CDH4: variants seen among roughly 807,000 people sequenced by gnomAD.
The protein encoded by CDH4 is cadherin-4.
A neutral mutation model predicts 86.0 loss-of-function variants in CDH4; 33 were observed. The observed-to-expected ratio is 0.38, with a 90% CI of 0.29 to 0.51. CDH4 has a LOEUF of 0.51. CDH4 is among the 20% of genes least tolerant of loss of function. CDH4 has a pLI of 0.86. For missense variants in CDH4, 1,114 were observed against 1,307.4 expected, an observed-to-expected ratio of 0.85 and a Z score of 2.28; for synonymous variants, 555 against 549.4, an observed-to-expected ratio of 1.01 and a Z score of -0.14.
At position 61,393,044 on chromosome 20, in the gene CDH4, C is replaced by T. The variant is rs67115690; in HGVS notation, c.169+138107C>T. ...TGAGGACAGAGCAGCTGCGGGGCCCCTCGGTGATCAGGGCCGTTTATTTTC... is the reference window on the plus strand; with the variant it reads ...TGAGGACAGAGCAGCTGCGGGGCCCTTCGGTGATCAGGGCCGTTTATTTTC... On this transcript the variant is annotated intron_variant, in intron 2 of 15. Coordinates refer to ENST00000614565, the MANE Select transcript of CDH4 (RefSeq NM_001794.5). This position sits in a 1 kb window ranked among gnomAD's most constrained non-coding sequence, Gnocchi z 4.3. Among the ~76,000 whole-genome samples, 19,506 of 152,128 alleles carry T rather than the reference C, an allele frequency of 0.13. 1,913 individuals carry two copies. Among genetic ancestry groups the T allele is most frequent in the African/African-American group, 0.27 (11,394 of 41,460 alleles).
At chr20:61,857,811 G>A (rs1428664129) in intron 6 of CDH4, among the ~76,000 whole-genome samples, 1 of 152,264 alleles carries the variant, frequency 6.6e-6, no homozygotes, top group Non-Finnish European at 1.5e-5. Context: ...GTCACAGCCA[G>A]GAAACTGACC....
intron 2 of CDH4, among the ~76,000 whole-genome samples, chr20:61,282,654 T>G (rs886882067): frequency 6.6e-6 from 1 of 152,162 alleles, no homozygotes; most frequent in African/African-American, 2.4e-5. Context: ...CATATGTACA[T>G]ATGTGGGTGC....
At chr20:61,860,036 C>T (rs1295008221) in intron 6 of CDH4, among the ~76,000 whole-genome samples, 2 of 152,272 alleles carry the variant, frequency 1.3e-5, no homozygotes, top group African/African-American at 4.8e-5. Context: ...AGAACAAGGA[C>T]AGTGCCTGCC....
chr20:61,422,486 CTTCT>C (rs2085185774), intron 2 of CDH4, among the ~76,000 whole-genome samples: 1 of 128,270 alleles, frequency 7.8e-6, no homozygotes, highest in East Asian at 2.7e-4. Flanking sequence ...CCCCAAGTGT[CTTCT>C]TTAAGTATTT....
chr20:61,554,726 T>C (rs927312522), intron 2 of CDH4, among the ~76,000 whole-genome samples: 1 of 152,276 alleles, frequency 6.6e-6, no homozygotes, highest in South Asian at 2.1e-4. Flanking sequence ...TTCCTGTGTG[T>C]ACACACATGT....
At chr20:61,781,817 G>A (rs887783287) in intron 4 of CDH4, among the ~76,000 whole-genome samples, 7 of 152,226 alleles carry the variant, frequency 4.6e-5, no homozygotes, top group African/African-American at 9.6e-5. Flanking sequence ...ACCGATCATA[G>A]TCAAACTGCT....
intron 11 of CDH4, among the ~76,000 whole-genome samples, chr20:61,926,199 C>T (rs1187663437): frequency 6.6e-6 from 1 of 152,228 alleles, no homozygotes; most frequent in Admixed American, 6.5e-5. Flanking sequence ...CTCTGAGGAG[C>T]TGCCCTTGGG....
At chr20:61,546,174 G>A (rs1049845626) in intron 2 of CDH4, among the ~76,000 whole-genome samples, 1 of 133,226 alleles carries the variant, frequency 7.5e-6, no homozygotes. Context: ...GTGCCTGTGT[G>A]TGGGGGTATG....
chr20:61,914,767 G>A (rs941875773), intron 9 of CDH4, among the ~76,000 whole-genome samples: 1 of 152,184 alleles, frequency 6.6e-6, no homozygotes, highest in Non-Finnish European at 1.5e-5. Context: ...AAAATCTGCA[G>A]ATTTTCAGAT....
At position 61,837,029 on chromosome 20, in the gene CDH4, A is replaced by G. The variant is rs138839931; in HGVS notation, c.577-7639A>G. Among the ~76,000 whole-genome samples the G allele has an allele frequency of 2.7e-3, 405 of 152,356 alleles. 2 individuals carry two copies. The highest frequency in any genetic ancestry group is 9.0e-3 in the African/African-American group (373 of 41,586). ...GCCAACATAGTGAAACCCTATCTCT[A>G]CAACAAATTTAAAAATTGGCCAGGT... On this transcript the variant is annotated intron_variant, in intron 4 of 15. Coordinates refer to ENST00000614565, the MANE Select transcript of CDH4 (RefSeq NM_001794.5).
intron 6 of CDH4, among the ~76,000 whole-genome samples, chr20:61,867,075 G>A (rs1001743206): frequency 2.1e-4 from 32 of 152,234 alleles, no homozygotes; most frequent in African/African-American, 6.0e-4. Context: ...AGAGAGACGG[G>A]TGGAGGCTGC....
intron 2 of CDH4, among the ~76,000 whole-genome samples, chr20:61,406,141 G>A (rs906607884): frequency 1.3e-4 from 20 of 152,144 alleles, no homozygotes; most frequent in Non-Finnish European, 2.4e-4. Flanking sequence ...AATCTCTGTC[G>A]GGATTTTTCA....
chr20:61,602,420 A>G (rs1482521934), intron 2 of CDH4, among the ~76,000 whole-genome samples: 2 of 152,176 alleles, frequency 1.3e-5, no homozygotes, highest in Non-Finnish European at 2.9e-5. Context: ...CTCCACTGTC[A>G]TGAACAGCTG....
intron 8 of CDH4, among the ~76,000 whole-genome samples, chr20:61,906,432 G>T (rs775979159): frequency 6.6e-6 from 1 of 152,254 alleles, no homozygotes; most frequent in African/African-American, 2.4e-5. Flanking sequence ...TGACATGGCC[G>T]CAGGACCGGA....
chr20:61,843,827 G>A (rs1263918996), intron 4 of CDH4, among the ~76,000 whole-genome samples: 1 of 152,136 alleles, frequency 6.6e-6, no homozygotes. Context: ...CTAAAGACAT[G>A]CTCAAAGTTG....
chr20:61,662,720 A>G (rs1222826850), intron 2 of CDH4, among the ~76,000 whole-genome samples: 1 of 152,158 alleles, frequency 6.6e-6, no homozygotes, highest in East Asian at 1.9e-4. Flanking sequence ...CGTGGCCAAC[A>G]CAGGGCGGCT....
chr20:61,842,571 T>G (rs970431072), intron 4 of CDH4, among the ~76,000 whole-genome samples: 1 of 152,244 alleles, frequency 6.6e-6, no homozygotes, highest in African/African-American at 2.4e-5. Context: ...ATAATCAATT[T>G]CATACAATTT....
chr20:61,925,002 G>A (rs1274580218), intron 11 of CDH4, among the ~76,000 whole-genome samples: 2 of 152,154 alleles, frequency 1.3e-5, no homozygotes. Flanking sequence ...TCGTGTCTCT[G>A]ACCACCCACG....
At chr20:61,854,284 C>G (rs1363324294) in intron 6 of CDH4, among the ~76,000 whole-genome samples, 2 of 152,216 alleles carry the variant, frequency 1.3e-5, no homozygotes, top group Non-Finnish European at 2.9e-5. Context: ...GACTGGAAGG[C>G]AGGCCTTTAT....
Sources: gnomAD v4.1 joint callset for allele counts (sites outside exome capture counted in the v4.1 genomes callset) on GRCh38, gnomAD v4.1.1 for gene constraint, Gnocchi (gnomAD v3.1) non-coding constraint, MANE v1.5 for transcripts, NCBI Gene and HGNC (gene_info 2026-07-23, HGNC 2026-07-21) for gene names.